Variants in FTO observed in about 807,000 individuals in gnomAD.
The protein encoded by FTO is alpha-ketoglutarate-dependent dioxygenase FTO.
In FTO, 47 loss-of-function variants were observed where a neutral mutation model predicts 63.9. The observed-to-expected ratio is 0.74, with a 90% CI of 0.58 to 0.94. The LOEUF is 0.94. Ranked by LOEUF, FTO falls within the 40% of genes least tolerant of loss-of-function variation. FTO has a pLI of 0.00. For missense variants in FTO, 562 were observed against 618.1 expected, an observed-to-expected ratio of 0.91 and a Z score of 0.96; for synonymous variants, 207 against 224.4, an observed-to-expected ratio of 0.92 and a Z score of 0.69.
intron 4 of FTO, among the ~76,000 whole-genome samples, chr16:53,854,897 A>G (rs1189075392): frequency 6.6e-6 from 1 of 152,060 alleles, no homozygotes; most frequent in Non-Finnish European, 1.5e-5. Context: ...CATGATATTG[A>G]TTCTTCCAAT....
At chr16:54,047,108 A>T (rs1454282672) in intron 8 of FTO, among the ~76,000 whole-genome samples, 176 of 114,964 alleles carry the variant, frequency 1.5e-3, no homozygotes, top group African/African-American at 5.6e-3. Context: ...AAAATTGACA[A>T]ATGGGATCTA....
intron 8 of FTO, among the ~76,000 whole-genome samples, chr16:53,952,774 C>T (rs956633265): frequency 1.2e-4 from 18 of 152,162 alleles, no homozygotes; most frequent in Non-Finnish European, 2.4e-4. Context: ...TGCCAGGTCC[C>T]AGAGCTAGAC....
At chr16:53,824,725 A>G (rs777272315) in intron 2 of FTO, among the ~76,000 whole-genome samples, 3 of 152,224 alleles carry the variant, frequency 2.0e-5, no homozygotes, top group African/African-American at 2.4e-5. Flanking sequence ...AACACAATAC[A>G]GGGAGGACAG....
chr16:54,106,941 CTAT>C (rs2144618000), intron 8 of FTO, among the ~76,000 whole-genome samples: 1 of 142,034 alleles, frequency 7.0e-6, no homozygotes, highest in East Asian at 2.0e-4. Context: ...TATGTACCTA[CTAT>C]ATTATGTATA....
At position 53,984,320 on chromosome 16, in the gene FTO, T is replaced by TC. The variant is rs1346899006; in HGVS notation, c.1364+50212dup. On this transcript the variant is annotated intron_variant, in intron 8 of 8. Coordinates refer to ENST00000471389, the MANE Select transcript of FTO (RefSeq NM_001080432.3). ...TCCTCTATCCCTCCCTTGGAATGGG[T>TC]CTTTTTTTTTTTTTTTTTTTTTTTT... is the stretch of plus-strand genomic sequence containing the variant. Among the ~76,000 whole-genome samples the TC allele has an allele frequency of 1.2e-3, 140 of 120,660 alleles. 5 individuals are homozygous for TC. Among genetic ancestry groups the TC allele is most frequent in the Middle Eastern group, 3.9e-3 (1 of 256 alleles). 79.2% of individuals were successfully genotyped at this position (120,660 alleles called of 152,430 possible).
chr16:53,712,960 T>C (rs2075810789), intron 1 of FTO, among the ~76,000 whole-genome samples: 1 of 151,514 alleles, frequency 6.6e-6, no homozygotes. Flanking sequence ...TTTTTTTTTT[T>C]CCGTTTTGTC....
chr16:53,820,627 C>T (rs561718424), intron 2 of FTO, among the ~76,000 whole-genome samples: 1 of 145,926 alleles, frequency 6.9e-6, no homozygotes, highest in African/African-American at 2.5e-5. Context: ...TATCCCTCCC[C>T]CTCCCCCCAC....
intron 8 of FTO, among the ~76,000 whole-genome samples, chr16:54,021,552 CAA>C (rs2084601742): frequency 6.6e-6 from 1 of 152,158 alleles, no homozygotes; most frequent in Non-Finnish European, 1.5e-5. Flanking sequence ...TGCAGTGTCG[CAA>C]TCTCGGCTCA....
chr16:53,833,922 T>G (rs900652892), intron 3 of FTO, among the ~76,000 whole-genome samples: 7 of 152,250 alleles, frequency 4.6e-5, no homozygotes, highest in African/African-American at 1.7e-4. Context: ...TGAATTTGGC[T>G]GGTTTTTAGT....
At chr16:53,913,988 A>AG (rs1269330508) in intron 7 of FTO, among the ~76,000 whole-genome samples, 3 of 143,158 alleles carry the variant, frequency 2.1e-5, no homozygotes, top group Non-Finnish European at 4.7e-5. Context: ...CAAAAAAAGA[A>AG]AAAAAAAAAA....
chr16:54,098,478 A>T (rs1364010629), intron 8 of FTO, among the ~76,000 whole-genome samples: 4 of 152,218 alleles, frequency 2.6e-5, no homozygotes, highest in South Asian at 2.1e-4. Flanking sequence ...AGGTGAGCAG[A>T]TGGAGGAATC....
intron 1 of FTO, among the ~76,000 whole-genome samples, chr16:53,785,640 G>A (rs887619532): frequency 2.0e-5 from 3 of 152,120 alleles, no homozygotes; most frequent in East Asian, 3.9e-4. Flanking sequence ...AGCTGGGCGC[G>A]GTGGCTCATG....
chr16:54,068,593 C>G (rs2085787453), intron 8 of FTO, among the ~76,000 whole-genome samples: 1 of 152,148 alleles, frequency 6.6e-6, no homozygotes, highest in African/African-American at 2.4e-5. Flanking sequence ...ACATTTGCCC[C>G]CAAAGAGATG....
chr16:54,077,099 C>G (rs567696064), intron 8 of FTO, among the ~76,000 whole-genome samples: 1 of 152,274 alleles, frequency 6.6e-6, no homozygotes, highest in South Asian at 2.1e-4. Context: ...AGACTGCCCT[C>G]AAAGAAATCT....
At chr16:53,815,633 C>CTTTTT (rs2078653863) in intron 2 of FTO, among the ~76,000 whole-genome samples, 1 of 80,140 alleles carries the variant, frequency 1.2e-5, no homozygotes, top group Non-Finnish European at 2.2e-5. Flanking sequence ...CATTGACTTT[C>CTTTTT]TTGTTTTTTT....
At chr16:53,891,997 A>T (rs973387853) in intron 7 of FTO, among the ~76,000 whole-genome samples, 1 of 152,192 alleles carries the variant, frequency 6.6e-6, no homozygotes, top group African/African-American at 2.4e-5. Context: ...GTGAAGATTT[A>T]GGTCCAGATA....
chr16:53,900,277 G>A (rs2151924665), intron 7 of FTO, among the ~76,000 whole-genome samples: 1 of 152,094 alleles, frequency 6.6e-6, no homozygotes, highest in African/African-American at 2.4e-5. Flanking sequence ...TTTTTGTCTA[G>A]GTTGAAATAG....
intron 8 of FTO, among the ~76,000 whole-genome samples, chr16:54,019,808 C>T (rs1475099953): frequency 6.6e-6 from 1 of 152,172 alleles, no homozygotes; most frequent in Non-Finnish European, 1.5e-5. Flanking sequence ...TTGAATTACT[C>T]AGGCTCTGTG....
intron 1 of FTO, among the ~76,000 whole-genome samples, chr16:53,751,751 T>C (rs2151572612): frequency 6.6e-6 from 1 of 152,270 alleles, no homozygotes; most frequent in East Asian, 1.9e-4. Flanking sequence ...GTGGATATAC[T>C]AAAAACCATT....
Sources: allele counts gnomAD v4.1 joint callset (sites outside exome capture counted in the v4.1 genomes callset), GRCh38; gene constraint gnomAD v4.1.1; transcripts MANE v1.5; gene names NCBI Gene and HGNC (gene_info 2026-07-23, HGNC 2026-07-21).